Variants in NUDCD1 observed in about 807,000 individuals in gnomAD.
The protein encoded by NUDCD1 is NudC domain containing 1.
Under a neutral mutation model 67.8 loss-of-function variants are expected in NUDCD1, and 60 were observed. That is an observed-to-expected ratio of 0.88 (90% CI 0.72 to 1.10). The LOEUF is 1.10. Ranked by LOEUF, NUDCD1 falls within the 50% of genes least tolerant of loss-of-function variation. NUDCD1 has a pLI of 0.00. For missense variants in NUDCD1, 643 were observed against 695.0 expected (o/e 0.93, Z 0.84); for synonymous variants, 244 against 230.8 (o/e 1.06, Z -0.52).
intron 2 of NUDCD1, among the ~76,000 whole-genome samples, chr8:109,307,948 A>C (rs188298151): frequency 3.2e-4 from 49 of 152,304 alleles, no homozygotes; most frequent in African/African-American, 1.2e-3. Context: ...ATATGCACCT[A>C]ACACTGGAGC....
intron 3 of NUDCD1, among the ~76,000 whole-genome samples, chr8:109,293,909 GTTTTTTCTCAAA>G (rs1814773249): frequency 6.6e-6 from 1 of 151,898 alleles, no homozygotes. Flanking sequence ...ACCAAAACAT[GTTTTTTCTCAAA>G]AACAAAAGAG....
At chr8:109,324,293 G>GA (rs1815613097) in intron 1 of NUDCD1, among the ~76,000 whole-genome samples, 2 of 150,422 alleles carry the variant, frequency 1.3e-5, no homozygotes, top group Non-Finnish European at 3.0e-5. Context: ...ACAGTTACAT[G>GA]AAAAAATGCT....
chr8:109,271,031 C>T lies in NUDCD1; in HGVS notation c.1273G>A (p.Gly425Ser), dbSNP rs1490457855. 1.9e-6 allele frequency: 3 copies of T among 1,593,240 alleles called. No individual in the cohort carries two copies. Among genetic ancestry groups the T allele is most frequent in the Admixed American group, 1.7e-5 (1 of 58,866 alleles). ...EESSSLCRFD[G>S]NTLKTTHVVN... is the part of the protein sequence containing the mutation. ...ACATGAGTAGTTTTTAATGTATTGCCATCAAATCTGCATAAACTGGAGCTC... is the reference window on the plus strand; with the variant it reads ...ACATGAGTAGTTTTTAATGTATTGCTATCAAATCTGCATAAACTGGAGCTC... The change falls in exon 8 of 10, where the codon GGC (glycine) becomes AGC (serine). Residue 425 changes from glycine to serine, a missense_variant. By Grantham distance (56) the Gly-to-Ser change is moderately conservative. Transcript: ENST00000239690.
intron 4 of NUDCD1, among the ~76,000 whole-genome samples, chr8:109,292,512 C>G (rs1173259575): frequency 2.0e-5 from 3 of 152,032 alleles, no homozygotes; most frequent in African/African-American, 7.2e-5. Flanking sequence ...TGCAAACTAG[C>G]AGCTATGGTA....
chr8:109,276,550 T>G (rs768332440), intron 6 of NUDCD1, among the ~76,000 whole-genome samples: 5 of 152,220 alleles, frequency 3.3e-5, no homozygotes, highest in Non-Finnish European at 7.3e-5. Context: ...TTACAGCATT[T>G]AACATTTTTC....
chr8:109,276,628 T>C (rs1213041262), intron 6 of NUDCD1, among the ~76,000 whole-genome samples: 1 of 152,170 alleles, frequency 6.6e-6, no homozygotes, highest in African/African-American at 2.4e-5. Flanking sequence ...CACTGAAAAT[T>C]ACTCCCACAA....
intron 7 of NUDCD1, among the ~76,000 whole-genome samples, chr8:109,273,641 G>T (rs371676192): frequency 6.6e-6 from 1 of 152,016 alleles, no homozygotes; most frequent in Non-Finnish European, 1.5e-5. Context: ...TCTGTTAAAA[G>T]AAATGAAAAA....
At chr8:109,243,701 C>T (rs1417799458) in intron 9 of NUDCD1, among the ~76,000 whole-genome samples, 1 of 152,038 alleles carries the variant, frequency 6.6e-6, no homozygotes, top group African/African-American at 2.4e-5. Context: ...CATTTTTTTC[C>T]TCTTAAATAA....
intron 1 of NUDCD1, among the ~76,000 whole-genome samples, chr8:109,330,295 G>A (rs1815776660): frequency 6.6e-6 from 1 of 152,152 alleles, no homozygotes; most frequent in Non-Finnish European, 1.5e-5. Context: ...TAAGACAAGA[G>A]AATAAGCCTC....
chr8:109,320,437 C>T (rs989904351), intron 2 of NUDCD1, among the ~76,000 whole-genome samples: 10 of 152,164 alleles, frequency 6.6e-5, no homozygotes, highest in Admixed American at 1.3e-4. Context: ...GGCTCTGTTC[C>T]GCCCAGCTCA....
intron 8 of NUDCD1, among the ~76,000 whole-genome samples, chr8:109,262,655 A>G (rs1193550645): frequency 6.6e-6 from 1 of 152,154 alleles, no homozygotes; most frequent in African/African-American, 2.4e-5. Flanking sequence ...TGGCTCAACT[A>G]TATTGACCAA....
chr8:109,317,730 C>G (rs1815434094), intron 2 of NUDCD1, among the ~76,000 whole-genome samples: 1 of 152,176 alleles, frequency 6.6e-6, no homozygotes, highest in African/African-American at 2.4e-5. Flanking sequence ...GTGTTTGTCT[C>G]CCATAAAGTG....
intron 2 of NUDCD1, among the ~76,000 whole-genome samples, chr8:109,321,061 A>G (rs910479815): frequency 1.3e-5 from 2 of 152,230 alleles, no homozygotes; most frequent in African/African-American, 4.8e-5. Flanking sequence ...CACATTGCCT[A>G]TTTTTAAATT....
At chr8:109,285,203 G>C (rs1436704584) in intron 5 of NUDCD1, among the ~76,000 whole-genome samples, 4 of 152,094 alleles carry the variant, frequency 2.6e-5, no homozygotes, top group Admixed American at 1.3e-4. Context: ...GCCCTGGACA[G>C]ATGGATTCAC....
intron 1 of NUDCD1, among the ~76,000 whole-genome samples, chr8:109,328,751 C>A (rs1815738208): frequency 6.6e-6 from 1 of 152,080 alleles, no homozygotes; most frequent in Non-Finnish European, 1.5e-5. Context: ...TAATCTGTTT[C>A]CAAGTAACTC....
chr8:109,303,448 T>C (rs1815034386), intron 2 of NUDCD1, among the ~76,000 whole-genome samples: 1 of 152,204 alleles, frequency 6.6e-6, no homozygotes, highest in Admixed American at 6.5e-5. Context: ...ATAACTGTTG[T>C]GAGTATTGAC....
At chr8:109,296,751 T>C (rs901668390) in intron 2 of NUDCD1, among the ~76,000 whole-genome samples, 182 bp from the exon 3 acceptor site, 1 of 152,320 alleles carries the variant, frequency 6.6e-6, no homozygotes, top group Non-Finnish European at 1.5e-5. Flanking sequence ...ATGTGACAGA[T>C]GGCATATGAC....
At chr8:109,246,723 C>CA (rs1813505382) in intron 8 of NUDCD1, among the ~76,000 whole-genome samples, 1 of 145,980 alleles carries the variant, frequency 6.9e-6, no homozygotes, top group Admixed American at 6.7e-5. Context: ...AGAATACCAA[C>CA]AAAAATCACA....
At position 109,293,385 on chromosome 8, in the gene NUDCD1, T is replaced by TA. The variant is rs1563674685; in HGVS notation, c.598dup (p.Tyr200LeufsTer11). The stretch of plus-strand genomic sequence containing the variant: ...GATAGTGACCCACTCCAGAGAAACA[T>TA]AGAAACCACTTCCTTTCATATCCAA... On this transcript the variant is annotated frameshift_variant, in exon 4 of 10. Coordinates refer to ENST00000239690, the MANE Select transcript of NUDCD1 (RefSeq NM_032869.4). LOFTEE classifies it high-confidence loss of function. 1.9e-6 allele frequency: 3 copies of TA among 1,587,220 alleles called. No homozygotes were observed. The Admixed American group carries it at 5.4e-5, about 29-fold the overall frequency.
Sources: gnomAD v4.1 joint callset for allele counts (sites outside exome capture counted in the v4.1 genomes callset) on GRCh38, gnomAD v4.1.1 for gene constraint, MANE v1.5 for transcripts, NCBI Gene and HGNC (gene_info 2026-07-23, HGNC 2026-07-21) for gene names.